Variants in SDE2 observed in about 807,000 individuals in gnomAD.
SDE2 encodes the protein splicing regulator SDE2.
In SDE2, 31 loss-of-function variants were observed where a neutral mutation model predicts 46.9. The ratio of observed to expected loss-of-function variants is 0.66; its 90% CI spans 0.50 to 0.89. The LOEUF is 0.89. Ranked by LOEUF, SDE2 falls within the 40% of genes least tolerant of loss-of-function variation. The probability of loss-of-function intolerance (pLI) is 0.00; values close to 1 mark genes in which losing one functional copy is unlikely to be tolerated. For synonymous variants in SDE2, 205 were observed against 204.3 expected (o/e 1.00, Z -0.03); for missense variants, 542 against 564.4 (o/e 0.96, Z 0.40).
At position 225,984,290 on chromosome 1, in the gene SDE2, A is replaced by G. The variant is rs929822843; in HGVS notation, c.*1012T>C. On this transcript the variant is annotated 3_prime_UTR_variant, in exon 7 of 7. Coordinates refer to ENST00000272091, the MANE Select transcript of SDE2 (RefSeq NM_152608.4). ...AAAATTAGAACTGAATAATAAAAAT[A>G]CGACATAATAAAATTGTAAAGTCGC... The G allele has an allele frequency of 1.1e-4, 16 of 152,100 alleles. No homozygotes were observed. Among genetic ancestry groups the G allele is most frequent in the African/African-American group, 3.9e-4 (16 of 41,418 alleles). The allele number at this position is 152,100 out of a possible 1,614,324, so 9.4% of individuals were successfully genotyped here.
At chr1:225,996,391 T>A (rs545267882) in intron 1 of SDE2, among the ~76,000 whole-genome samples, 2 of 152,278 alleles carry the variant, frequency 1.3e-5, no homozygotes, top group East Asian at 3.9e-4. Flanking sequence ...GATATTAATA[T>A]GAAGGCAGAA....
In SDE2 at chr1:225,987,932, G is replaced by T. The variant is rs370711348; in HGVS notation, c.1098C>A (p.Ala366=). The change falls in exon 6 of 7, where the codon GCC becomes GCA. Residue 366 remains alanine, a synonymous_variant. Coordinates refer to ENST00000272091, the MANE Select transcript of SDE2 (RefSeq NM_152608.4). Reference sequence around the variant, plus strand: ...GCTGGCTTTCCTGCAGTTTGGCAACGGCAACGTTTTCCCTTTCTTCAGGTG... The same window carrying T: ...GCTGGCTTTCCTGCAGTTTGGCAACTGCAACGTTTTCCCTTTCTTCAGGTG... ...EVAPEERENV[A]VAKLQESQPG... 3.1e-6 allele frequency: 5 copies of T among 1,612,570 alleles called. No individual in the cohort carries two copies. Among genetic ancestry groups the T allele is most frequent in the Non-Finnish European group, 4.2e-6 (5 of 1,179,634 alleles).
At chr1:225,989,628 CAAAA>C (rs564387010) in intron 5 of SDE2, among the ~76,000 whole-genome samples, 5 of 76,052 alleles carry the variant, frequency 6.6e-5, no homozygotes, top group Admixed American at 4.3e-4. Flanking sequence ...GATTCTGTCT[CAAAA>C]AAAAAAAAAA....
rs749704959 is a variant in SDE2, at chr1:225,999,338, C to T, written c.-26G>A. On this transcript the variant is annotated 5_prime_UTR_variant, in exon 1 of 7. Transcript: ENST00000272091. ...GTCACCGACTACCCGAACCTCAAGC[C>T]TCTCTGAGACACCAGGCGCCGCAAC... 6 of 1,598,678 alleles carry T rather than the reference C, an allele frequency of 3.8e-6. No individual in the cohort carries two copies. The highest frequency in any genetic ancestry group is 1.1e-5 in the South Asian group (1 of 89,834).
chr1:225,988,324 C>T lies in SDE2; in HGVS notation c.706G>A (p.Glu236Lys). 5 of 1,614,146 alleles carry T rather than the reference C, an allele frequency of 3.1e-6. No homozygotes were observed. The highest frequency in any genetic ancestry group is 4.2e-6 in the Non-Finnish European group (5 of 1,179,972). Residue 236 changes from glutamate (E) to lysine (K), a missense_variant, in exon 6 of 7, where the codon GAA becomes AAA. Transcript: ENST00000272091. ...SNSESSDDDSEEAPSTSGMGF... is the reference protein window; with the variant it reads ...SNSESSDDDSKEAPSTSGMGF... ...ATTCCTGAAGTGCTTGGTGCTTCTT[C>T]ACTGTCATCATCTGAACTCTCAGAG...
intron 1 of SDE2, among the ~76,000 whole-genome samples, chr1:225,997,669 G>A (rs541242789): frequency 6.6e-6 from 1 of 152,278 alleles, no homozygotes; most frequent in South Asian, 2.1e-4. Flanking sequence ...GACCTCAGGT[G>A]ATCTGCCCGC....
Position 225,988,020 on chromosome 1 carries a change from G to A in SDE2, c.1010C>T (p.Ala337Val). The A allele has an allele frequency of 6.2e-7, 1 of 1,614,144 alleles. No homozygotes were observed. Among genetic ancestry groups the A allele is most frequent in the Non-Finnish European group, 8.5e-7 (1 of 1,180,018 alleles). ...TGTCTCTTTATCCTTATTCAGTCCA[G>A]CCCCAGTGGGCTCCTCTTCTATGGG... Reference protein sequence around the residue: ...KEPIEEEPTGAGLNKDKETEE... With the variant: ...KEPIEEEPTGVGLNKDKETEE... Residue 337 changes from alanine (A) to valine (V), a missense_variant, in exon 6 of 7, where the codon GCT becomes GTT. Around this residue, in one of 3 missense-constraint regions of SDE2, gnomAD observed 401 missense variants for 437.8 expected, o/e 0.92. Coordinates refer to ENST00000272091, the MANE Select transcript of SDE2 (RefSeq NM_152608.4).
intron 1 of SDE2, among the ~76,000 whole-genome samples, chr1:225,996,286 T>A (rs1656522660): frequency 6.6e-6 from 1 of 152,196 alleles, no homozygotes. Context: ...AAACATTAAA[T>A]GAGATATGTA....
In SDE2 at chr1:225,992,977, A is replaced by G. The variant is rs1217673565; in HGVS notation, c.264T>C (p.Leu88=). 1.2e-6 allele frequency: 2 copies of G among 1,607,382 alleles called. No individual in the cohort carries two copies. Among genetic ancestry groups the G allele is most frequent in the Non-Finnish European group, 1.7e-6 (2 of 1,174,000 alleles). Residue 88 remains leucine (L), a synonymous_variant, in exon 3 of 7, where the codon CTT becomes CTC. Coordinates refer to ENST00000272091, the MANE Select transcript of SDE2 (RefSeq NM_152608.4). ...TGGTTGTCTTCTCAATCTGAGCACCAAGTGCTCGGAGCATAGATCCAAAAC... is the reference window on the plus strand; with the variant it reads ...TGGTTGTCTTCTCAATCTGAGCACCGAGTGCTCGGAGCATAGATCCAAAAC... ...KGGFGSMLRA[L]GAQIEKTTNR...
chr1:225,983,142 T>G lies in SDE2; in HGVS notation c.*2160A>C, dbSNP rs1656190546. Reference sequence around the variant, plus strand: ...AACAGATAAAAATGCAAGTCTCAAGTATATGTTGTTTAAAGAAACTACTTT... The same window carrying G: ...AACAGATAAAAATGCAAGTCTCAAGGATATGTTGTTTAAAGAAACTACTTT... On this transcript the variant is annotated 3_prime_UTR_variant, in exon 7 of 7. Transcript: ENST00000272091. The G allele has an allele frequency of 6.6e-6, 1 of 152,206 alleles. No homozygotes were observed. Among genetic ancestry groups the G allele is most frequent in the Non-Finnish European group, 1.5e-5 (1 of 68,026 alleles). 9.4% of individuals were successfully genotyped at this position (152,206 alleles called of 1,614,324 possible). A position where few individuals can be genotyped will look rare whatever the true frequency, so the allele number is the denominator to read the frequency against.
chr1:225,995,350 T>A lies in SDE2; in HGVS notation c.154A>T (p.Asn52Tyr). Residue 52 changes from asparagine to tyrosine, a missense_variant, in exon 2 of 7, where the codon AAT becomes TAT. Asn to Tyr is a moderately radical substitution (Grantham distance 143, BLOSUM62 -2). Coordinates refer to ENST00000272091, the MANE Select transcript of SDE2 (RefSeq NM_152608.4). ...TCACTGGTGTTAATGAGTGCTCCAT[T>A]GCATTTCACAAAGAAGTTTTCCACT... Reference protein sequence around the residue: ...VPVENFFVKCNGALINTSDTV... With the variant: ...VPVENFFVKCYGALINTSDTV... 1.2e-6 allele frequency: 2 copies of A among 1,611,698 alleles called. No homozygotes were observed. Among genetic ancestry groups the A allele is most frequent in the Non-Finnish European group, 1.7e-6 (2 of 1,178,062 alleles).
At chr1:225,998,468 T>C (rs187377577) in intron 1 of SDE2, among the ~76,000 whole-genome samples, 1 of 152,354 alleles carries the variant, frequency 6.6e-6, no homozygotes, top group African/African-American at 2.4e-5. Context: ...ACATTAAAAT[T>C]AGATTCAGGG....
Position 225,988,185 on chromosome 1 carries a change from AGTT to A in SDE2, c.842_844del (p.Gln281del). On this transcript the variant is annotated inframe_deletion, in exon 6 of 7. Transcript: ENST00000272091. Reference sequence around the variant, plus strand: ...CCCAGAGTCAGTCACCGGGATCTGCAGTTGTTCTGGTGATCCATGGTCTGTATT... The same window carrying A: ...CCCAGAGTCAGTCACCGGGATCTGCAGTTCTGGTGATCCATGGTCTGTATT... 2 of 1,614,138 alleles carry A rather than the reference AGTT, an allele frequency of 1.2e-6. No individual in the cohort carries two copies. Among genetic ancestry groups the A allele is most frequent in the Non-Finnish European group, 1.7e-6 (2 of 1,180,018 alleles).
rs1656159710 is a variant in SDE2 at position 225,982,784 on chromosome 1, C to T, written c.*2518G>A. ...TCATTATTTAAAGCAGAAATTGTAA[C>T]TTATGACAGGACTTACAATATTTAA... On this transcript the variant is annotated 3_prime_UTR_variant, in exon 7 of 7. Transcript: ENST00000272091. The T allele has an allele frequency of 2.6e-5, 4 of 151,978 alleles. No individual in the cohort carries two copies. In the South Asian group the frequency reaches 8.3e-4, roughly 32 times the overall value. The allele number at this position is 151,978 out of a possible 1,614,324, so 9.4% of individuals were successfully genotyped here. A position where few individuals can be genotyped will look rare whatever the true frequency, so the allele number is the denominator to read the frequency against.
chr1:225,988,203 T>TG lies in SDE2; in HGVS notation c.826dup (p.His276ProfsTer13). ...GATCTGCAGTTGTTCTGGTGATCCA[T>TG]GGTCTGTATTCACTACTCTCGCCCT... On this transcript the variant is annotated frameshift_variant, in exon 6 of 7. Transcript: ENST00000272091. LOFTEE classifies it high-confidence loss of function. The TG allele has an allele frequency of 6.2e-7, 1 of 1,614,166 alleles. No individual in the cohort carries two copies. Among genetic ancestry groups the TG allele is most frequent in the East Asian group, 2.2e-5 (1 of 44,888 alleles).
At position 225,997,954 on chromosome 1, in the gene SDE2, C is replaced by G. The variant is rs377731655; in HGVS notation, c.120+1239G>C. Among the ~76,000 whole-genome samples, 132 of 152,138 alleles carry G rather than the reference C, an allele frequency of 8.7e-4. 1 individual carries two copies. The highest frequency in any genetic ancestry group is 3.0e-3 in the African/African-American group (124 of 41,502). On this transcript the variant is annotated intron_variant, in intron 1 of 6. Coordinates refer to ENST00000272091, the MANE Select transcript of SDE2 (RefSeq NM_152608.4). ...AAGACCTGGCCAACGTGGTGAAACCCCGTCTCTACTAAAAATACAAAAATT... is the reference window on the plus strand; with the variant it reads ...AAGACCTGGCCAACGTGGTGAAACCGCGTCTCTACTAAAAATACAAAAATT...
intron 2 of SDE2, among the ~76,000 whole-genome samples, chr1:225,994,265 C>T (rs182361516): frequency 2.6e-5 from 4 of 152,174 alleles, no homozygotes; most frequent in African/African-American, 9.6e-5. Flanking sequence ...CTAGTAGAGA[C>T]GGGGTTTTGC....
rs1656251342 is a variant in SDE2 at position 225,985,534 on chromosome 1, AAAAT to A, written c.1135-15_1135-12del. 2.0e-6 allele frequency: 3 copies of A among 1,510,338 alleles called. No homozygotes were observed. In the African/African-American group the frequency reaches 4.1e-5, roughly 21 times the overall value. 93.6% of individuals were successfully genotyped at this position (1,510,338 alleles called of 1,614,324 possible). On this transcript the variant is annotated splice_polypyrimidine_tract_variant and intron_variant, in intron 6 of 6. Transcript: ENST00000272091. ...TTCCTTATCAATAACCTGAGGGAAA[AAAAT>A]AAGAAAATATTTAAAACAGGCTCCT...
intron 5 of SDE2, 142 bp from the exon 6 acceptor site, chr1:225,988,530 A>T: frequency 1.3e-6 from 1 of 759,666 alleles, no homozygotes; most frequent in South Asian, 1.8e-5. Flanking sequence ...GTAGTTTGAG[A>T]TCAGCCTGGC....
Sources: gnomAD v4.1 joint callset for allele counts (sites outside exome capture counted in the v4.1 genomes callset) on GRCh38, gnomAD v4.1.1 for gene constraint, gnomAD v4.1.1 regional missense constraint, MANE v1.5 for transcripts, NCBI Gene and HGNC (gene_info 2026-07-23, HGNC 2026-07-21) for gene names.